Variants in NCOA2 observed in about 807,000 individuals in gnomAD.
NCOA2 encodes the protein class E basic helix-loop-helix protein 75.
In NCOA2, 21 loss-of-function variants were observed where a neutral mutation model predicts 145.1. That is an observed-to-expected ratio of 0.14 (90% CI 0.10 to 0.21). NCOA2 has a LOEUF of 0.21. NCOA2 is among the 10% of genes least tolerant of loss of function. The probability of loss-of-function intolerance (pLI) is 1.00; values close to 1 mark genes in which losing one functional copy is unlikely to be tolerated. For synonymous variants in NCOA2, 619 were observed against 637.5 expected (o/e 0.97, Z 0.44); for missense variants, 1,472 against 1,837.6 (o/e 0.80, Z 3.64).
chr8:70,285,684 G>A (rs983999399), intron 2 of NCOA2, among the ~76,000 whole-genome samples: 1 of 152,154 alleles, frequency 6.6e-6, no homozygotes, highest in South Asian at 2.1e-4. Flanking sequence ...GTAAGATGTG[G>A]GTAGGACTAT....
chr8:70,179,884 A>C (rs1356704119), intron 4 of NCOA2, among the ~76,000 whole-genome samples: 1 of 152,100 alleles, frequency 6.6e-6, no homozygotes, highest in Non-Finnish European at 1.5e-5. Context: ...CTAAGCCCTG[A>C]CTTCATTATT....
intron 4 of NCOA2, among the ~76,000 whole-genome samples, chr8:70,202,603 A>T (rs1341854473): frequency 6.6e-6 from 1 of 152,178 alleles, no homozygotes; most frequent in East Asian, 1.9e-4. Context: ...AAAAAGACAA[A>T]TACTGCCTTG....
In NCOA2 at chr8:70,174,781, T is replaced by A; in HGVS notation, c.338A>T (p.Asp113Val). ...CTCAAGCATCATAGGCCCCAGCGCATCCTTGTCGATGACACCCTGCCCTGT... is the reference window on the plus strand; with the variant it reads ...CTCAAGCATCATAGGCCCCAGCGCAACCTTGTCGATGACACCCTGCCCTGT... ...SSTGQGVIDK[D>V]ALGPMMLEAL... The change falls in exon 5 of 23, where the codon GAT (aspartate) becomes GTT (valine). Residue 113 changes from aspartate (D) to valine (V), a missense_variant. Physicochemically the swap from Asp to Val is radical, Grantham distance 152. Around this residue, in one of 4 missense-constraint regions of NCOA2, gnomAD observed 284 missense variants for 467.8 expected, o/e 0.61. Coordinates refer to ENST00000452400, the MANE Select transcript of NCOA2 (RefSeq NM_006540.4). The A allele has an allele frequency of 6.2e-7, 1 of 1,613,728 alleles. No homozygotes were observed. The highest frequency in any genetic ancestry group is 8.5e-7 in the Non-Finnish European group (1 of 1,179,692).
the NCOA2 span, among the ~76,000 whole-genome samples, chr8:70,414,229 C>T: frequency 2.0e-5 from 3 of 152,118 alleles, no homozygotes; most frequent in Non-Finnish European, 4.4e-5. Flanking sequence ...AACTAACCAC[C>T]GTCTAAGACT....
chr8:70,244,799 T>G (rs1438946499), intron 2 of NCOA2, among the ~76,000 whole-genome samples: 1 of 152,088 alleles, frequency 6.6e-6, no homozygotes, highest in Non-Finnish European at 1.5e-5. Flanking sequence ...ACAAGGAATA[T>G]TTTAAAAACA....
At chr8:70,185,167 T>C (rs996054384) in intron 4 of NCOA2, among the ~76,000 whole-genome samples, 5 of 152,198 alleles carry the variant, frequency 3.3e-5, no homozygotes, top group South Asian at 4.1e-4. Context: ...AACAATATCA[T>C]AGGGAGGTTG....
intron 1 of NCOA2, among the ~76,000 whole-genome samples, chr8:70,385,569 G>A (rs185268528): frequency 6.6e-6 from 1 of 152,248 alleles, no homozygotes; most frequent in African/African-American, 2.4e-5. Flanking sequence ...TAGAACTACA[G>A]GTGCCCGCCA....
intron 2 of NCOA2, among the ~76,000 whole-genome samples, 153 bp from the exon 3 acceptor site, chr8:70,216,917 T>C (rs898434372): frequency 1.3e-5 from 2 of 152,206 alleles, no homozygotes; most frequent in African/African-American, 2.4e-5. Flanking sequence ...TAATTTCTAA[T>C]ATAAAAGCCG....
intron 1 of NCOA2, among the ~76,000 whole-genome samples, chr8:70,362,186 G>C (rs1387721045): frequency 1.3e-5 from 2 of 152,128 alleles, no homozygotes; most frequent in African/African-American, 4.8e-5. Flanking sequence ...GTTTATGTGA[G>C]CAAAGGGGAG....
intron 2 of NCOA2, among the ~76,000 whole-genome samples, chr8:70,230,221 CA>C: frequency 6.6e-6 from 1 of 152,200 alleles, no homozygotes; most frequent in Non-Finnish European, 1.5e-5. Flanking sequence ...TAGGATACTG[CA>C]AAAGGCCACA....
intron 1 of NCOA2, among the ~76,000 whole-genome samples, chr8:70,347,965 G>A (rs1808831555): frequency 6.6e-6 from 1 of 152,154 alleles, no homozygotes; most frequent in Admixed American, 6.5e-5. Flanking sequence ...AAAAACAACT[G>A]TAATCATTTT....
At chr8:70,238,152 G>A (rs540792892) in intron 2 of NCOA2, among the ~76,000 whole-genome samples, 17 of 148,736 alleles carry the variant, frequency 1.1e-4, no homozygotes, top group East Asian at 5.8e-4. Context: ...ATGTGCACAC[G>A]CGCGCGCGCG....
chr8:70,166,650 C>T lies in NCOA2; in HGVS notation c.646G>A (p.Asp216Asn), dbSNP rs377680384. The T allele has an allele frequency of 6.2e-7, 1 of 1,614,006 alleles. No homozygotes were observed. The highest frequency in any genetic ancestry group is 1.7e-5 in the Admixed American group (1 of 60,024). Residue 216 changes from aspartate to asparagine, a missense_variant, in exon 7 of 23, where the codon GAT (aspartate) becomes AAT (asparagine). Asp to Asn is a conservative substitution (Grantham distance 23). Transcript: ENST00000452400. Reference protein sequence around the residue: ...PLPDSEEEGHDNQEAHQKYET... With the variant: ...PLPDSEEEGHNNQEAHQKYET... ...TATTTCTGATGAGCTTCCTGGTTAT[C>T]ATGACCCTCCTCTTCTGAATCAGGT...
chr8:70,124,973 T>C lies in NCOA2; in HGVS notation c.3917-108A>G, dbSNP rs1585734017. 3.4e-5 allele frequency: 31 copies of C among 919,554 alleles called. No individual in the cohort carries two copies. The East Asian group carries it at 8.0e-4, about 24-fold the overall frequency. 57.0% of individuals were successfully genotyped at this position (919,554 alleles called of 1,614,324 possible). A position where few individuals can be genotyped will look rare whatever the true frequency, so the allele number is the denominator to read the frequency against. On this transcript the variant is annotated intron_variant, in intron 19 of 22. Transcript: ENST00000452400. The stretch of plus-strand genomic sequence containing the variant: ...AAATTAGGCATGCATAAAAAATTAC[T>C]TTCAAATATATGATTGTGTACTGAT...
chr8:70,121,752 T>C (rs1807843947), intron 21 of NCOA2, among the ~76,000 whole-genome samples: 1 of 152,234 alleles, frequency 6.6e-6, no homozygotes, highest in Admixed American at 6.5e-5. Context: ...TTTGAAGTCA[T>C]CTGAGAAATT....
At chr8:70,122,491 A>G (rs1287212132) in intron 21 of NCOA2, among the ~76,000 whole-genome samples, 1 of 151,902 alleles carries the variant, frequency 6.6e-6, no homozygotes, top group African/African-American at 2.4e-5. Flanking sequence ...TCCTGGCTTC[A>G]AGCCATCTTC....
chr8:70,291,745 AG>A, intron 2 of NCOA2, among the ~76,000 whole-genome samples: 1 of 152,358 alleles, frequency 6.6e-6, no homozygotes, highest in Middle Eastern at 3.4e-3. Flanking sequence ...TACTAATGAT[AG>A]CATTTTGTTG....
chr8:70,400,671 C>CA (rs1264039439), intron 1 of NCOA2, among the ~76,000 whole-genome samples: 1 of 152,058 alleles, frequency 6.6e-6, no homozygotes, highest in African/African-American at 2.4e-5. Flanking sequence ...TATTTTATTA[C>CA]AAAAAACATC....
chr8:70,370,965 C>T (rs768705315), intron 1 of NCOA2, among the ~76,000 whole-genome samples: 8 of 152,042 alleles, frequency 5.3e-5, no homozygotes, highest in South Asian at 4.1e-4. Context: ...AATAATGATA[C>T]GTGTGTTTAA....
Sources: gnomAD v4.1 joint callset for allele counts (sites outside exome capture counted in the v4.1 genomes callset) on GRCh38, gnomAD v4.1.1 for gene constraint, gnomAD v4.1.1 regional missense constraint, MANE v1.5 for transcripts, NCBI Gene and HGNC (gene_info 2026-07-23, HGNC 2026-07-21) for gene names.